Variants in CAST observed in about 807,000 individuals in gnomAD.
The protein encoded by CAST is MIR583 host.
A neutral mutation model predicts 119.6 loss-of-function variants in CAST; 76 were observed. The ratio of observed to expected loss-of-function variants is 0.64; its 90% confidence interval spans 0.53 to 0.77. The LOEUF is 0.77. Ranked by LOEUF, CAST falls within the 30% of genes least tolerant of loss-of-function variation. CAST has a pLI of 0.00. For synonymous variants in CAST, 319 were observed against 331.6 expected (o/e 0.96, Z 0.41); for missense variants, 953 against 946.5 (o/e 1.01, Z -0.09).
chr5:96,744,811 A>G (rs1763412461), intron 16 of CAST, among the ~76,000 whole-genome samples: 1 of 152,190 alleles, frequency 6.6e-6, no homozygotes, highest in South Asian at 2.1e-4. Flanking sequence ...GTGGAAAACC[A>G]CACAATACTC....
chr5:96,740,799 T>A lies in CAST; in HGVS notation c.918+16T>A. ...AGACTCTTCGGTGAGTTTACATACA[T>A]GTCTTCTGATCTAAATTAATAGTTT... On this transcript the variant is annotated intron_variant, in intron 13 of 31. Transcript: ENST00000675179. 6.6e-7 allele frequency: 1 copy of A among 1,521,878 alleles called. No individual in the cohort carries two copies. The highest frequency in any genetic ancestry group is 1.1e-5 in the South Asian group (1 of 89,116). 94.3% of individuals were successfully genotyped at this position (1,521,878 alleles called of 1,614,324 possible). A position where few individuals can be genotyped will look rare whatever the true frequency, so the allele number is the denominator to read the frequency against.
At chr5:96,262,391 C>T in the CAST span, among the ~76,000 whole-genome samples, 1 of 152,166 alleles carries the variant, frequency 6.6e-6, no homozygotes, top group Non-Finnish European at 1.5e-5. Context: ...TGTGCTCTGT[C>T]CTTACTCTGT....
At chr5:96,164,047 C>G in the CAST span, among the ~76,000 whole-genome samples, 2 of 152,090 alleles carry the variant, frequency 1.3e-5, no homozygotes, top group African/African-American at 2.4e-5. Context: ...AAAAAAAACA[C>G]TGAGACTAGT....
the CAST span, chr5:96,429,201 TACA>T: frequency 7.7e-7 from 1 of 1,297,822 alleles, no homozygotes; most frequent in East Asian, 2.3e-5. Flanking sequence ...AAGACAAATG[TACA>T]ACACTTACAC....
the CAST span, among the ~76,000 whole-genome samples, chr5:96,233,753 A>G: frequency 1.3e-5 from 2 of 152,198 alleles, no homozygotes; most frequent in African/African-American, 2.4e-5. Flanking sequence ...TTAGAACACA[A>G]TAATTAGCCT....
At chr5:96,365,742 G>A in the CAST span, among the ~76,000 whole-genome samples, 1 of 152,180 alleles carries the variant, frequency 6.6e-6, no homozygotes, top group Non-Finnish European at 1.5e-5. Context: ...TGGGTCTCCT[G>A]AATATAGCAC....
chr5:96,603,014 A>G (rs1747183373), intron 1 of CAST, among the ~76,000 whole-genome samples: 1 of 152,238 alleles, frequency 6.6e-6, no homozygotes, highest in South Asian at 2.1e-4. Context: ...AGTGGCAGAT[A>G]GGATGGTGTT....
the CAST span, among the ~76,000 whole-genome samples, chr5:96,478,344 G>T: frequency 6.6e-6 from 1 of 152,222 alleles, no homozygotes; most frequent in African/African-American, 2.4e-5. Flanking sequence ...CATTAAATTT[G>T]TGTGTCTGAA....
chr5:96,114,453 C>G, the CAST span, among the ~76,000 whole-genome samples: 2 of 152,158 alleles, frequency 1.3e-5, no homozygotes, highest in South Asian at 4.1e-4. Context: ...ACCACTGAGG[C>G]TCTCAAACTT....
the CAST span, among the ~76,000 whole-genome samples, chr5:96,400,367 C>T: frequency 2.6e-5 from 4 of 152,226 alleles, no homozygotes. Flanking sequence ...GAATACAGAG[C>T]TGAAAACTTC....
At position 96,701,052 on chromosome 5, in the gene CAST, C is replaced by G. The variant is rs563560815; in HGVS notation, c.210+5145C>G. Among the ~76,000 whole-genome samples the G allele has an allele frequency of 3.9e-5, 6 of 152,150 alleles. No homozygotes were observed. The South Asian group carries it at 1.2e-3, about 32-fold the overall frequency. ...AGCGATAATCCTGCCTGAAGCCTCCCGAGTAGCTGGGATTACAGGCAAGCA... is the reference window on the plus strand; with the variant it reads ...AGCGATAATCCTGCCTGAAGCCTCCGGAGTAGCTGGGATTACAGGCAAGCA... On this transcript the variant is annotated intron_variant, in intron 3 of 31. Coordinates refer to ENST00000675179, the MANE Select transcript of CAST (RefSeq NM_001750.7).
chr5:96,412,752 G>GTTTTTTTTTTTTTGTTTTTTT, the CAST span, among the ~76,000 whole-genome samples: 9 of 71,804 alleles, frequency 1.3e-4, no homozygotes, highest in African/African-American at 8.1e-4. Context: ...CAGCTGTGAT[G>GTTTTTTTTTTTTTGTTTTTTT]TTTTTTTTTT....
chr5:96,244,069 A>G, the CAST span, among the ~76,000 whole-genome samples: 1 of 152,210 alleles, frequency 6.6e-6, no homozygotes, highest in Admixed American at 6.5e-5. Context: ...GAGTTGGAAT[A>G]TTCTGACCAC....
intron 1 of CAST, among the ~76,000 whole-genome samples, chr5:96,634,534 A>G (rs1747862033): frequency 6.6e-6 from 1 of 152,166 alleles, no homozygotes. Context: ...GGGACCAGAG[A>G]ATTGGAGCTT....
At chr5:96,443,726 T>C in the CAST span, among the ~76,000 whole-genome samples, 2 of 152,236 alleles carry the variant, frequency 1.3e-5, no homozygotes, top group East Asian at 3.8e-4. Flanking sequence ...GGTGATTCTA[T>C]TGGGCATCAT....
At chr5:96,679,304 A>G (rs1432419632) in intron 2 of CAST, 1 of 152,244 alleles carries the variant, frequency 6.6e-6, no homozygotes, top group African/African-American at 2.4e-5. Context: ...TGAATTTTTC[A>G]ATTCTTTCTC....
chr5:96,214,277 TA>T, the CAST span, among the ~76,000 whole-genome samples: 2 of 152,208 alleles, frequency 1.3e-5, no homozygotes, highest in African/African-American at 2.4e-5. Flanking sequence ...AATCTATTTA[TA>T]AGCCATACAT....
chr5:96,334,622 T>A, the CAST span, among the ~76,000 whole-genome samples: 136 of 152,304 alleles, frequency 8.9e-4, no homozygotes, highest in African/African-American at 3.2e-3. Context: ...ACAATGCCAC[T>A]TCCTCAGGTA....
At chr5:96,513,371 G>C in the CAST span, among the ~76,000 whole-genome samples, 2 of 152,200 alleles carry the variant, frequency 1.3e-5, no homozygotes, top group Admixed American at 6.5e-5. Context: ...AAAATAAATA[G>C]ACAGATAGAT....
Sources: gnomAD v4.1 joint callset for allele counts (sites outside exome capture counted in the v4.1 genomes callset) on GRCh38, gnomAD v4.1.1 for gene constraint, MANE v1.5 for transcripts, NCBI Gene and HGNC (gene_info 2026-07-23, HGNC 2026-07-21) for gene names.